The following KRABD5 variants were observed in gnomAD, a reference collection of about 807,000 sequenced individuals.
KRABD5 encodes the protein KRAB domain containing 5.
At chr16:31,713,455 G>A in the KRABD5 span, 1 of 1,601,900 alleles carries the variant, frequency 6.2e-7, no homozygotes, top group Non-Finnish European at 8.5e-7. Context: ...CCAGGTCGGG[G>A]GTCCCCAGAA....
At chr16:31,724,260 T>C in the KRABD5 span, among the ~76,000 whole-genome samples, 1 of 152,134 alleles carries the variant, frequency 6.6e-6, no homozygotes, top group Non-Finnish European at 1.5e-5. Context: ...TTGTAAATTA[T>C]ATATATTTAA....
At chr16:31,717,837 C>T in the KRABD5 span, among the ~76,000 whole-genome samples, 1 of 152,164 alleles carries the variant, frequency 6.6e-6, no homozygotes, top group African/African-American at 2.4e-5. Context: ...CACATTTGTG[C>T]AGCAAAGTGC....
chr16:31,754,751 A>G, the KRABD5 span: 2 of 460,554 alleles, frequency 4.3e-6, no homozygotes, highest in Non-Finnish European at 8.8e-6. Flanking sequence ...TAAATTGTCA[A>G]GTCTAAGAAA....
chr16:31,739,758 C>T, the KRABD5 span, among the ~76,000 whole-genome samples: 3 of 152,170 alleles, frequency 2.0e-5, no homozygotes, highest in Non-Finnish European at 2.9e-5. Context: ...AACAAAATCT[C>T]GGCAGCACTG....
At chr16:31,741,733 TCTC>T in the KRABD5 span, among the ~76,000 whole-genome samples, 4 of 152,172 alleles carry the variant, frequency 2.6e-5, no homozygotes, top group African/African-American at 7.2e-5. Context: ...GTGAATATCT[TCTC>T]CTGTTCTGTA....
the KRABD5 span, among the ~76,000 whole-genome samples, chr16:31,751,254 G>C: frequency 6.6e-6 from 1 of 152,096 alleles, no homozygotes; most frequent in Non-Finnish European, 1.5e-5. Flanking sequence ...AGTTTTATTT[G>C]TTCATTGTGT....
At chr16:31,737,842 A>G in the KRABD5 span, among the ~76,000 whole-genome samples, 4 of 152,130 alleles carry the variant, frequency 2.6e-5, no homozygotes, top group East Asian at 1.9e-4. Context: ...ATTTTAGACT[A>G]TGTTAATACT....
At chr16:31,722,686 G>A in the KRABD5 span, 1 of 1,613,384 alleles carries the variant, frequency 6.2e-7, no homozygotes, top group Admixed American at 1.7e-5. Context: ...GGAACACCTG[G>A]ACTCAGATCA....
the KRABD5 span, among the ~76,000 whole-genome samples, chr16:31,736,227 A>G: frequency 1.3e-5 from 2 of 152,066 alleles, no homozygotes; most frequent in African/African-American, 2.4e-5. Flanking sequence ...GAATTTATTT[A>G]TGGACTCATT....
chr16:31,753,664 A>G, the KRABD5 span: 3 of 1,147,524 alleles, frequency 2.6e-6, no homozygotes, highest in Non-Finnish European at 3.5e-6. Context: ...TGATTCAACT[A>G]TCATGGTGTT....
chr16:31,729,336 T>C, the KRABD5 span, among the ~76,000 whole-genome samples: 1 of 152,216 alleles, frequency 6.6e-6, no homozygotes, highest in Non-Finnish European at 1.5e-5. Flanking sequence ...TAATTTAGCC[T>C]GTGATTCTGG....
the KRABD5 span, among the ~76,000 whole-genome samples, chr16:31,742,046 C>T: frequency 6.6e-6 from 1 of 151,946 alleles, no homozygotes; most frequent in Non-Finnish European, 1.5e-5. Context: ...AATAGGGAGT[C>T]CTTTCACTAT....
the KRABD5 span, chr16:31,714,250 T>A: frequency 2.5e-6 from 1 of 406,024 alleles, no homozygotes; most frequent in Non-Finnish European, 4.9e-6. Flanking sequence ...TGTTTCTTGC[T>A]CGAAAGAGGT....
chr16:31,741,431 G>A, the KRABD5 span, among the ~76,000 whole-genome samples: 1 of 152,288 alleles, frequency 6.6e-6, no homozygotes, highest in African/African-American at 2.4e-5. Flanking sequence ...CCCATCATCA[G>A]TGTATAAGTA....
chr16:31,753,640 G>A, the KRABD5 span: 1 of 893,572 alleles, frequency 1.1e-6, no homozygotes, highest in Non-Finnish European at 1.6e-6. Context: ...GAAAACAAAG[G>A]GGCCTCAAGT....
the KRABD5 span, among the ~76,000 whole-genome samples, chr16:31,751,245 G>A: frequency 6.6e-6 from 1 of 152,138 alleles, no homozygotes; most frequent in Non-Finnish European, 1.5e-5. Flanking sequence ...TTGTCCTGTA[G>A]TTTTATTTGT....
the KRABD5 span, chr16:31,722,854 G>T: frequency 7.8e-7 from 1 of 1,288,102 alleles, no homozygotes; most frequent in Non-Finnish European, 1.0e-6. Flanking sequence ...TTATATGAAT[G>T]AATTCAGATT....
chr16:31,747,680 TTGTAACTGG>T, the KRABD5 span, among the ~76,000 whole-genome samples: 1 of 152,186 alleles, frequency 6.6e-6, no homozygotes, highest in African/African-American at 2.4e-5. Context: ...ATGATCGCCA[TTGTAACTGG>T]TGTGAGATGG....
At chr16:31,713,388 G>T in the KRABD5 span, 2 of 1,597,166 alleles carry the variant, frequency 1.3e-6, no homozygotes, top group East Asian at 2.3e-5. Flanking sequence ...GGCAGGCACC[G>T]GGAGATCCGT....
Sources: allele counts gnomAD v4.1 joint callset (sites outside exome capture counted in the v4.1 genomes callset), GRCh38; gene constraint gnomAD v4.1.1; transcripts MANE v1.5; gene names NCBI Gene and HGNC (gene_info 2026-07-23, HGNC 2026-07-21).